PLEKHG1: variants seen among roughly 807,000 people sequenced by gnomAD.
PLEKHG1 encodes the protein pleckstrin homology domain-containing family G member 1.
A neutral mutation model predicts 100.8 loss-of-function variants in PLEKHG1; 44 were observed. That is an observed-to-expected ratio of 0.44 (90% confidence interval 0.34 to 0.56). PLEKHG1 has a LOEUF of 0.56. Among genes scored for constraint, PLEKHG1 ranks in the 20% least tolerant of loss-of-function variants. The probability of loss-of-function intolerance (pLI) is 0.01; values close to 1 mark genes in which losing one functional copy is unlikely to be tolerated. For missense variants in PLEKHG1, 1,545 were observed against 1,720.9 expected (o/e 0.90, Z 1.81); for synonymous variants, 640 against 662.5 (o/e 0.97, Z 0.52).
intron 2 of PLEKHG1, among the ~76,000 whole-genome samples, chr6:150,762,494 C>T (rs893801279): frequency 6.6e-6 from 1 of 152,074 alleles, no homozygotes; most frequent in Non-Finnish European, 1.5e-5. Flanking sequence ...CCACTGTGCC[C>T]GGCCCAACCC....
intron 3 of PLEKHG1, among the ~76,000 whole-genome samples, chr6:150,680,987 C>A (rs942764264): frequency 8.9e-4 from 136 of 152,312 alleles, no homozygotes; most frequent in African/African-American, 3.2e-3. Context: ...AATCTCTAGG[C>A]ATAATGCTCA....
chr6:150,838,025 A>C (rs1443395168), intron 15 of PLEKHG1, among the ~76,000 whole-genome samples: 3 of 152,202 alleles, frequency 2.0e-5, no homozygotes, highest in Non-Finnish European at 2.9e-5. Context: ...GGGGTGAGGG[A>C]TTGGGGTTGC....
chr6:150,832,003 G>A (rs1776966985), exon 15 of PLEKHG1: 4 of 1,613,774 alleles, frequency 2.5e-6, no homozygotes, highest in Non-Finnish European at 3.4e-6. Flanking sequence ...ACCCTGACCT[G>A]GGGATGGAGG....
chr6:150,671,466 A>G (rs1779578843), intron 3 of PLEKHG1, among the ~76,000 whole-genome samples: 1 of 152,202 alleles, frequency 6.6e-6, no homozygotes, highest in African/African-American at 2.4e-5. Context: ...ATGGGTAAGA[A>G]GGAACCAGTG....
chr6:150,812,949 G>T (rs1295101825), intron 10 of PLEKHG1, among the ~76,000 whole-genome samples: 1 of 152,184 alleles, frequency 6.6e-6, no homozygotes, highest in African/African-American at 2.4e-5. Context: ...AGATAATAAA[G>T]TCATCTGCTG....
At chr6:150,607,372 A>T (rs1293001350) in intron 1 of PLEKHG1, among the ~76,000 whole-genome samples, 2 of 152,168 alleles carry the variant, frequency 1.3e-5, no homozygotes, top group Non-Finnish European at 2.9e-5. Flanking sequence ...TGACATCTGC[A>T]CTTCTCTGAT....
chr6:150,629,347 G>T (rs572524107), intron 1 of PLEKHG1, among the ~76,000 whole-genome samples: 1 of 152,272 alleles, frequency 6.6e-6, no homozygotes, highest in South Asian at 2.1e-4. Context: ...GGTTGGATAA[G>T]TTATGGAATA....
chr6:150,788,146 A>G (rs921642626), intron 4 of PLEKHG1, among the ~76,000 whole-genome samples: 1 of 152,244 alleles, frequency 6.6e-6, no homozygotes, highest in Non-Finnish European at 1.5e-5. Context: ...CCACGTTGCC[A>G]ACTCCCAAAT....
At chr6:150,739,099 T>A (rs1782716291) in intron 2 of PLEKHG1, among the ~76,000 whole-genome samples, 1 of 152,066 alleles carries the variant, frequency 6.6e-6, no homozygotes, top group Admixed American at 6.5e-5. Flanking sequence ...TGGCCTCAGA[T>A]ATAGTTCACG....
chr6:150,666,371 C>G (rs1779394855), intron 3 of PLEKHG1, among the ~76,000 whole-genome samples: 1 of 152,176 alleles, frequency 6.6e-6, no homozygotes, highest in South Asian at 2.1e-4. Flanking sequence ...CTCCCACCCT[C>G]AAGGGTTTCC....
chr6:150,819,689 C>T (rs749754754), exon 12 of PLEKHG1: 4 of 1,605,706 alleles, frequency 2.5e-6, no homozygotes, highest in Non-Finnish European at 3.4e-6. Flanking sequence ...ATCATCCAGG[C>T]TTCTGTTACA....
intron 3 of PLEKHG1, among the ~76,000 whole-genome samples, chr6:150,705,374 A>G (rs1197338882): frequency 3.9e-5 from 6 of 152,262 alleles, no homozygotes; most frequent in Non-Finnish European, 8.8e-5. Flanking sequence ...TTATCCATGC[A>G]GAAAAGCACA....
chr6:150,780,897 A>G (rs1433258237), intron 3 of PLEKHG1, among the ~76,000 whole-genome samples: 1 of 151,884 alleles, frequency 6.6e-6, no homozygotes, highest in Non-Finnish European at 1.5e-5. Flanking sequence ...TTTCTGAGAC[A>G]GAGTCTCACT....
intron 2 of PLEKHG1, among the ~76,000 whole-genome samples, chr6:150,767,364 A>T (rs1272714292): frequency 6.6e-6 from 1 of 152,216 alleles, no homozygotes; most frequent in African/African-American, 2.4e-5. Flanking sequence ...TACCGAGGTG[A>T]CTACTTTCTT....
chr6:150,699,426 G>A (rs9478785), intron 3 of PLEKHG1, among the ~76,000 whole-genome samples: 15,513 of 152,118 alleles, frequency 0.1, 2,206 homozygotes, highest in African/African-American at 0.32. Context: ...TTGATGCTCC[G>A]GGAGTGCTCC....
chr6:150,740,834 C>T (rs1782817318), intron 2 of PLEKHG1, among the ~76,000 whole-genome samples: 1 of 152,100 alleles, frequency 6.6e-6, no homozygotes, highest in Admixed American at 6.5e-5. Context: ...TGGAGACAAA[C>T]GTGTTAGTTT....
At chr6:150,624,044 C>T (rs879627100) in intron 1 of PLEKHG1, among the ~76,000 whole-genome samples, 1 of 152,170 alleles carries the variant, frequency 6.6e-6, no homozygotes, top group Non-Finnish European at 1.5e-5. Context: ...GGAACCATAG[C>T]GATGGCTAAT....
chr6:150,744,155 A>C (rs746061347), intron 2 of PLEKHG1, among the ~76,000 whole-genome samples: 2 of 152,174 alleles, frequency 1.3e-5, no homozygotes, highest in Non-Finnish European at 2.9e-5. Flanking sequence ...GCTCACTGCA[A>C]GCCCCGCCTC....
intron 3 of PLEKHG1, among the ~76,000 whole-genome samples, chr6:150,701,462 T>TAA (rs1562446579): frequency 4.8e-5 from 4 of 83,190 alleles, no homozygotes; most frequent in African/African-American, 4.7e-4. Flanking sequence ...TATATATATA[T>TAA]ATATAATTAT....
Sources: gnomAD v4.1 joint callset for allele counts (sites outside exome capture counted in the v4.1 genomes callset) on GRCh38, gnomAD v4.1.1 for gene constraint, MANE v1.5 for transcripts, NCBI Gene and HGNC (gene_info 2026-07-23, HGNC 2026-07-21) for gene names.